The following TPCN2 variants were observed in gnomAD, a reference collection of about 807,000 sequenced individuals.
The protein encoded by TPCN2 is two pore channel protein 2.
A neutral mutation model predicts 111.4 loss-of-function variants in TPCN2; 92 were observed. That is an observed-to-expected ratio of 0.83 (90% CI 0.70 to 0.98). The LOEUF (loss-of-function observed/expected upper bound fraction) is 0.98, where lower values mean the gene tolerates loss of function less well. Ranked by LOEUF, TPCN2 falls within the 50% of genes least tolerant of loss-of-function variation. TPCN2 has a pLI of 0.00. For missense variants in TPCN2, 995 were observed against 980.1 expected, an observed-to-expected ratio of 1.02 and a Z score of -0.20; for synonymous variants, 405 against 414.5, an observed-to-expected ratio of 0.98 and a Z score of 0.28.
At chr11:69,081,954 C>T (rs1856031607) in intron 18 of TPCN2, among the ~76,000 whole-genome samples, 1 of 152,174 alleles carries the variant, frequency 6.6e-6, no homozygotes, top group Admixed American at 6.5e-5. Context: ...GCTGGTTTCT[C>T]TTAATGCACC....
At chr11:69,058,657 G>A (rs1189107758) in intron 5 of TPCN2, among the ~76,000 whole-genome samples, 2 of 152,212 alleles carry the variant, frequency 1.3e-5, no homozygotes, top group African/African-American at 2.4e-5. Context: ...GGAATGGGCG[G>A]CATCGCAGCC....
chr11:69,065,519 AT>A (rs1855235991), intron 7 of TPCN2, among the ~76,000 whole-genome samples: 1 of 152,116 alleles, frequency 6.6e-6, no homozygotes, highest in African/African-American at 2.4e-5. Context: ...AGGAGTCTGG[AT>A]CCCTGTCCGA....
intron 23 of TPCN2, 61 bp from the exon 24 acceptor site, chr11:69,087,051 A>T (rs1856315442): frequency 6.8e-7 from 1 of 1,468,504 alleles, no homozygotes. Context: ...GGGGCCGGGG[A>T]TGGGGCAAGG....
In TPCN2 at chr11:69,075,743, C is replaced by T. The variant is rs186563144; in HGVS notation, c.1231-2739C>T. Among the ~76,000 whole-genome samples, 431 of 152,232 alleles carry T rather than the reference C, an allele frequency of 2.8e-3. 1 individual carries two copies. The highest frequency in any genetic ancestry group is 9.6e-3 in the African/African-American group (397 of 41,526). On this transcript the variant is annotated intron_variant, in intron 13 of 24. Coordinates refer to ENST00000294309, the MANE Select transcript of TPCN2 (RefSeq NM_139075.4). Reference sequence around the variant, plus strand: ...GTCAGCCTGGCCGTGGCCAGGGAGTCGGTTGGTGCTTGCTGGCGAGCTTCA... The same window carrying T: ...GTCAGCCTGGCCGTGGCCAGGGAGTTGGTTGGTGCTTGCTGGCGAGCTTCA...
intron 13 of TPCN2, among the ~76,000 whole-genome samples, chr11:69,074,840 G>A (rs972406663): frequency 6.6e-6 from 1 of 152,326 alleles, no homozygotes. Flanking sequence ...TTTGCTCCTG[G>A]TGTGTTCTGG....
At chr11:69,081,552 C>T in intron 18 of TPCN2, 53 bp downstream of exon 18, 2 of 1,383,482 alleles carry the variant, frequency 1.4e-6, no homozygotes, top group South Asian at 1.3e-5. Context: ...CATGCTGCTG[C>T]GTTGCTCCAG....
intron 2 of TPCN2, 85 bp from the exon 3 acceptor site, chr11:69,054,636 C>G: frequency 7.8e-7 from 1 of 1,278,530 alleles, no homozygotes; most frequent in Non-Finnish European, 1.1e-6. Flanking sequence ...GAGACTTGGG[C>G]CTGTCTCGTG....
intron 15 of TPCN2, 30 bp from the exon 16 acceptor site, chr11:69,078,862 A>G (rs1481911902): frequency 3.6e-5 from 58 of 1,613,890 alleles, no homozygotes; most frequent in Non-Finnish European, 4.8e-5. Context: ...CCTGGGGCCC[A>G]ATGCTGGGTG....
At chr11:69,060,960 C>T (rs1363063775) in intron 5 of TPCN2, among the ~76,000 whole-genome samples, 2 of 152,196 alleles carry the variant, frequency 1.3e-5, no homozygotes, top group East Asian at 3.9e-4. Flanking sequence ...GCGCCAGGCC[C>T]TGGGGTCCCT....
At chr11:69,062,788 C>A in intron 5 of TPCN2, 96 bp from the exon 6 acceptor site, 1 of 1,176,640 alleles carries the variant, frequency 8.5e-7, no homozygotes, top group Non-Finnish European at 1.2e-6. Context: ...GCCCCCAGGG[C>A]ACTGGGGTCT....
intron 12 of TPCN2, 43 bp from the exon 13 acceptor site, chr11:69,072,872 C>G (rs1460377119): frequency 6.4e-7 from 1 of 1,560,288 alleles, no homozygotes; most frequent in Non-Finnish European, 8.8e-7. Flanking sequence ...AGGGCGCTCA[C>G]CTTCCCGTGC....
chr11:69,067,371 T>G (rs1478259543), intron 7 of TPCN2, 132 bp from the exon 8 acceptor site: 5 of 812,988 alleles, frequency 6.2e-6, no homozygotes, highest in Non-Finnish European at 1.0e-5. Flanking sequence ...GAGCTCAGCC[T>G]GCTGGGAGGC....
chr11:69,049,559 G>C (rs1051958709), intron 1 of TPCN2, among the ~76,000 whole-genome samples: 6 of 152,242 alleles, frequency 3.9e-5, no homozygotes, highest in Non-Finnish European at 7.3e-5. Context: ...ACAGAGAGGC[G>C]TTACCCTACC....
intron 19 of TPCN2, 139 bp downstream of exon 19, chr11:69,084,155 G>C (rs1856168125): frequency 1.2e-6 from 1 of 858,138 alleles, no homozygotes. Flanking sequence ...GGTTCCTGAG[G>C]CCAGGGAAGT....
chr11:69,067,735 G>C, intron 8 of TPCN2, 130 bp downstream of exon 8: 1 of 685,524 alleles, frequency 1.5e-6, no homozygotes, highest in Non-Finnish European at 2.4e-6. Flanking sequence ...GAGAAGAAAG[G>C]GTGACATTTT....
At chr11:69,085,184 TC>T (rs749516880) in intron 19 of TPCN2, 25 bp from the exon 20 acceptor site, 2 of 1,612,176 alleles carry the variant, frequency 1.2e-6, no homozygotes, top group South Asian at 2.2e-5. Flanking sequence ...GTGGGGCTGA[TC>T]AGTCCCCGGC....
At chr11:69,064,931 G>C (rs1036852148) in intron 7 of TPCN2, among the ~76,000 whole-genome samples, 2 of 63,436 alleles carry the variant, frequency 3.2e-5, no homozygotes, top group Admixed American at 1.6e-4. Context: ...CTGTATGTCT[G>C]TGTGTGTGTT....
Position 69,049,141 on chromosome 11 carries a change from G to A in TPCN2, c.109+35G>A. On this transcript the variant is annotated intron_variant, in intron 1 of 24. Transcript: ENST00000294309. Reference sequence around the variant, plus strand: ...CCGGACCTGGGGAGGGGACTGGCCCGGGAGACCAGGGTCGCGCGTGGGGGT... The same window carrying A: ...CCGGACCTGGGGAGGGGACTGGCCCAGGAGACCAGGGTCGCGCGTGGGGGT... 7.6e-6 allele frequency: 9 copies of A among 1,185,568 alleles called. No individual in the cohort carries two copies. In the South Asian group the frequency reaches 1.3e-4, roughly 17 times the overall value. 73.4% of individuals were successfully genotyped at this position (1,185,568 alleles called of 1,614,324 possible).
At chr11:69,078,192 T>G (rs977278589) in intron 13 of TPCN2, among the ~76,000 whole-genome samples, 2 of 151,700 alleles carry the variant, frequency 1.3e-5, no homozygotes, top group African/African-American at 4.8e-5. Flanking sequence ...AGGGTGACAC[T>G]TTGCGTATGT....
Sources: gnomAD v4.1 joint callset for allele counts (sites outside exome capture counted in the v4.1 genomes callset) on GRCh38, gnomAD v4.1.1 for gene constraint, MANE v1.5 for transcripts, NCBI Gene and HGNC (gene_info 2026-07-23, HGNC 2026-07-21) for gene names.